The following ALG12 variants were observed in gnomAD, a reference collection of about 807,000 sequenced individuals.
ALG12 encodes the protein ALG12 alpha-1,6-mannosyltransferase, also known as dol-P-Man:Man(7)GlcNAc(2)-PP-Dol alpha-1,6-mannosyltransferase.
In ALG12, 36 loss-of-function variants were observed where a neutral mutation model predicts 46.0. The ratio of observed to expected loss-of-function variants is 0.78; its 90% CI spans 0.60 to 1.03. The LOEUF (loss-of-function observed/expected upper bound fraction) is 1.03, where lower values mean the gene tolerates loss of function less well. Ranked by LOEUF, ALG12 falls within the 50% of genes least tolerant of loss-of-function variation. The pLI is 0.00. For synonymous variants in ALG12, 326 were observed against 291.6 expected, an observed-to-expected ratio of 1.12 and a Z score of -1.20; for missense variants, 599 against 633.5, an observed-to-expected ratio of 0.95 and a Z score of 0.58.
chr22:49,885,675 G>C, the ALG12 span: 10 of 1,612,354 alleles, frequency 6.2e-6, no homozygotes, highest in Non-Finnish European at 8.5e-6. Context: ...TTGACCTCCA[G>C]CCATATTCTT....
the ALG12 span, among the ~76,000 whole-genome samples, chr22:49,859,603 G>A: frequency 6.6e-6 from 1 of 152,190 alleles, no homozygotes; most frequent in African/African-American, 2.4e-5. Flanking sequence ...GGCCATAGAC[G>A]TAGTCATTGT....
chr22:49,877,068 C>A, the ALG12 span, among the ~76,000 whole-genome samples: 13 of 152,126 alleles, frequency 8.5e-5, no homozygotes, highest in Non-Finnish European at 1.6e-4. Context: ...TTTACCTCAG[C>A]CTCAAAGAGT....
the ALG12 span, among the ~76,000 whole-genome samples, chr22:49,891,884 C>T: frequency 6.6e-6 from 1 of 152,270 alleles, no homozygotes; most frequent in Non-Finnish European, 1.5e-5. Context: ...AGCTAAAATT[C>T]CCTTCTCTTC....
the ALG12 span, among the ~76,000 whole-genome samples, chr22:49,890,913 C>G: frequency 6.6e-6 from 1 of 152,068 alleles, no homozygotes; most frequent in African/African-American, 2.4e-5. Context: ...CCCAGCTACT[C>G]CAGCTACTCG....
chr22:49,903,837 C>T lies in ALG12; in HGVS notation c.*1G>A. 1 of 1,614,176 alleles carries T rather than the reference C, an allele frequency of 6.2e-7. No homozygotes were observed. The highest frequency in any genetic ancestry group is 1.1e-5 in the South Asian group (1 of 91,080). ...GGCTGCTGAGGGCTGCCTGGTCCCC[C>T]TCAGGACGGCCGGGGGAGCCTCTCC... is the stretch of plus-strand genomic sequence containing the variant. On this transcript the variant is annotated 3_prime_UTR_variant, in exon 10 of 10. Transcript: ENST00000330817.
rs1469688011 is a variant in ALG12, at chr22:49,903,275, G to A, written c.*563C>T. ...CTTTTTATCTCATTCCTTTTTGAAT[G>A]TGTTTATCTCCTAAGATTTTATCTG... On this transcript the variant is annotated 3_prime_UTR_variant, in exon 10 of 10. Transcript: ENST00000330817. 4.4e-6 allele frequency: 2 copies of A among 450,498 alleles called. No homozygotes were observed. Among genetic ancestry groups the A allele is most frequent in the Non-Finnish European group, 4.4e-6 (1 of 225,418 alleles). The allele number at this position is 450,498 out of a possible 1,614,324, so 27.9% of individuals were successfully genotyped here. A position where few individuals can be genotyped will look rare whatever the true frequency, so the allele number is the denominator to read the frequency against.
chr22:49,875,808 G>GT, the ALG12 span, among the ~76,000 whole-genome samples: 17 of 152,208 alleles, frequency 1.1e-4, no homozygotes, highest in East Asian at 1.9e-3. Flanking sequence ...AGGATCTGTA[G>GT]TGATACTCCC....
chr22:49,889,621 G>GA, the ALG12 span: 1 of 167,214 alleles, frequency 6.0e-6, no homozygotes, highest in South Asian at 2.1e-4. Context: ...GACACTAGGA[G>GA]AGTCATTTTA....
the ALG12 span, chr22:49,886,193 G>A: frequency 4.1e-6 from 3 of 736,084 alleles, no homozygotes; most frequent in Non-Finnish European, 4.8e-6. The surrounding 1 kb of genome is among the most constrained non-coding windows in gnomAD (Gnocchi z 7.7). Flanking sequence ...AAGAGCCAGC[G>A]GATGGTGCAG....
At chr22:49,875,350 C>G in the ALG12 span, among the ~76,000 whole-genome samples, 1 of 150,212 alleles carries the variant, frequency 6.7e-6, no homozygotes, top group Non-Finnish European at 1.5e-5. Flanking sequence ...TCAGCTTATT[C>G]TTGAGTTTTT....
the ALG12 span, chr22:49,884,754 G>A: frequency 7.5e-6 from 12 of 1,594,398 alleles, no homozygotes; most frequent in South Asian, 3.4e-5. Context: ...CCTTGCTGCC[G>A]CCGGAGGGGG....
chr22:49,894,150 G>C, the ALG12 span, among the ~76,000 whole-genome samples: 3 of 152,168 alleles, frequency 2.0e-5, no homozygotes, highest in Non-Finnish European at 4.4e-5. Context: ...GGGCGACAGA[G>C]CAAGACTTCA....
At position 49,903,995 on chromosome 22, in the gene ALG12, G is replaced by A. The variant is rs758049116; in HGVS notation, c.1310C>T (p.Ala437Val). The part of the protein sequence containing the change: ...LAYTHILMEA[A>V]PGLLALYRDT... ...CCTGTAGAGGGCCAGGAGCCCAGGG[G>A]CCGCCTCCATGAGGATGTGTGTGTA... The change falls in exon 10 of 10, where the codon GCC (alanine) becomes GTC (valine). Residue 437 changes from alanine (A) to valine (V), a missense_variant. Ala to Val is a moderately conservative substitution (Grantham distance 64). Coordinates refer to ENST00000330817, the MANE Select transcript of ALG12 (RefSeq NM_024105.4). 4 of 1,614,206 alleles carry A rather than the reference G, an allele frequency of 2.5e-6. No individual in the cohort carries two copies. Among genetic ancestry groups the A allele is most frequent in the Non-Finnish European group, 3.4e-6 (4 of 1,180,010 alleles).
At chr22:49,860,954 A>G in the ALG12 span, among the ~76,000 whole-genome samples, 1 of 137,050 alleles carries the variant, frequency 7.3e-6, no homozygotes, top group Non-Finnish European at 1.6e-5. Context: ...AATTTTTTGT[A>G]CTTTAGTAGA....
chr22:49,904,300 G>T, intron 8 of ALG12, 37 bp downstream of exon 8: 2 of 1,614,160 alleles, frequency 1.2e-6, no homozygotes, highest in Non-Finnish European at 1.7e-6. Flanking sequence ...TGCAGTCGGA[G>T]CCACAGCAGT....
At chr22:49,909,780 A>C in intron 5 of ALG12, 114 bp downstream of exon 5, 1 of 1,434,682 alleles carries the variant, frequency 7.0e-7, no homozygotes, top group Non-Finnish European at 9.7e-7. Context: ...CAACACTGCT[A>C]AATTTAGGGT....
chr22:49,883,541 A>G, the ALG12 span: 65 of 1,332,144 alleles, frequency 4.9e-5, 1 homozygote, highest in Admixed American at 1.5e-3. Flanking sequence ...TATTTCTAGA[A>G]ACATCCTGAA....
chr22:49,860,930 C>G, the ALG12 span, among the ~76,000 whole-genome samples: 7 of 152,022 alleles, frequency 4.6e-5, no homozygotes, highest in Non-Finnish European at 7.4e-5. Context: ...AGGCGCCCAC[C>G]ACCACGCCCA....
At position 49,910,501 on chromosome 22, in the gene ALG12, C is replaced by T. The variant is rs370059291; in HGVS notation, c.402G>A (p.Thr134=). 7.4e-6 allele frequency: 12 copies of T among 1,614,000 alleles called. No homozygotes were observed. Among genetic ancestry groups the T allele is most frequent in the Middle Eastern group, 1.6e-4 (1 of 6,062 alleles). ...AMVATMFCWV[T]AMQFHLMFYC... is the part of the protein sequence containing the mutation. ...AGAACATCAGGTGGAACTGCATGGC[C>T]GTCACCCAGCAGAACATGGTGGCCA... Residue 134 remains threonine, a synonymous_variant, in exon 4 of 10, where the codon ACG becomes ACA. Coordinates refer to ENST00000330817, the MANE Select transcript of ALG12 (RefSeq NM_024105.4).
Sources: allele counts gnomAD v4.1 joint callset (sites outside exome capture counted in the v4.1 genomes callset), GRCh38; gene constraint gnomAD v4.1.1; non-coding constraint Gnocchi (gnomAD v3.1); transcripts MANE v1.5; gene names NCBI Gene and HGNC (gene_info 2026-07-23, HGNC 2026-07-21).